The following NBEA variants were observed in gnomAD, a reference collection of about 807,000 sequenced individuals.
The protein encoded by NBEA is lysosomal-trafficking regulator 2.
NBEA carries 44 observed loss-of-function variants against 343.4 expected under a neutral mutation model. The ratio of observed to expected loss-of-function variants is 0.13; its 90% CI spans 0.10 to 0.16. The LOEUF is 0.16. Ranked by LOEUF, NBEA falls within the 10% of genes least tolerant of loss-of-function variation. The pLI is 1.00. For missense variants in NBEA, 2,555 were observed against 3,631.3 expected (o/e 0.70, Z 7.62); for synonymous variants, 1,175 against 1,238.7 (o/e 0.95, Z 1.08).
chr13:35,056,076 A>C lies in NBEA; in HGVS notation c.1039A>C (p.Asn347His). 1 of 1,607,038 alleles carries C rather than the reference A, an allele frequency of 6.2e-7. No homozygotes were observed. The highest frequency in any genetic ancestry group is 8.5e-7 in the Non-Finnish European group (1 of 1,176,020). Reference sequence around the variant, plus strand: ...GAACAGTGAAATTCGGTGTTATGTTAATGGACAACTGGTATCTTATGGTGA... The same window carrying C: ...GAACAGTGAAATTCGGTGTTATGTTCATGGACAACTGGTATCTTATGGTGA... ...WRNSEIRCYV[N>H]GQLVSYGDMA... is the part of the protein sequence containing the mutation. The change falls in exon 7 of 59, where the codon AAT (asparagine) becomes CAT (histidine). Residue 347 changes from asparagine to histidine, a missense_variant. Transcript: ENST00000379939.
intron 31 of NBEA, among the ~76,000 whole-genome samples, chr13:35,200,251 A>G (rs1449398632): frequency 6.6e-6 from 1 of 151,878 alleles, no homozygotes; most frequent in South Asian, 2.1e-4. Flanking sequence ...ATTATTTTTC[A>G]TGTACTGTGT....
chr13:35,121,429 G>C (rs79379709), intron 16 of NBEA, among the ~76,000 whole-genome samples: 1 of 151,320 alleles, frequency 6.6e-6, no homozygotes, highest in Admixed American at 6.6e-5. Context: ...TTTTACTTTG[G>C]TTCTCAAGAC....
intron 10 of NBEA, among the ~76,000 whole-genome samples, chr13:35,094,483 C>T (rs1266833514): frequency 1.3e-5 from 2 of 152,072 alleles, no homozygotes; most frequent in African/African-American, 4.8e-5. Flanking sequence ...CTAAAAGTGA[C>T]TGCTAAATAT....
chr13:35,608,123 G>A (rs553839145), intron 48 of NBEA, among the ~76,000 whole-genome samples: 13 of 151,862 alleles, frequency 8.6e-5, no homozygotes, highest in Non-Finnish European at 1.3e-4. Context: ...CTTTATTTTA[G>A]AAAGTTGCTG....
intron 48 of NBEA, among the ~76,000 whole-genome samples, chr13:35,622,570 C>A (rs1047702190): frequency 2.0e-5 from 3 of 152,272 alleles, no homozygotes; most frequent in Admixed American, 2.0e-4. Flanking sequence ...ACTATATTGT[C>A]TCTACTTAAA....
intron 40 of NBEA, among the ~76,000 whole-genome samples, chr13:35,469,460 C>T (rs1287711632): frequency 6.6e-6 from 1 of 152,002 alleles, no homozygotes; most frequent in African/African-American, 2.4e-5. Flanking sequence ...AGTAATGGAT[C>T]AGTATTTTTT....
chr13:35,053,838 T>G (rs932531518), intron 6 of NBEA, among the ~76,000 whole-genome samples: 1 of 152,158 alleles, frequency 6.6e-6, no homozygotes, highest in African/African-American at 2.4e-5. Context: ...CATTATCTAT[T>G]TATAATATTC....
chr13:35,276,761 G>A (rs2034615293), intron 34 of NBEA, among the ~76,000 whole-genome samples: 1 of 152,156 alleles, frequency 6.6e-6, no homozygotes, highest in South Asian at 2.1e-4. Flanking sequence ...CAGACATACT[G>A]TAGTTCCTAA....
chr13:35,518,435 G>T (rs781714021), intron 41 of NBEA, among the ~76,000 whole-genome samples: 2 of 152,136 alleles, frequency 1.3e-5, no homozygotes, highest in East Asian at 1.9e-4. Context: ...AGCCGGAAAT[G>T]GAATTAAAGA....
In NBEA at chr13:35,408,209, C is replaced by T. The variant is rs138610971; in HGVS notation, c.6180-24060C>T. Reference sequence around the variant, plus strand: ...CAGAACCCAGAAATAAAACCAGATACATACCACTATTTGATCTTTGATGAA... The same window carrying T: ...CAGAACCCAGAAATAAAACCAGATATATACCACTATTTGATCTTTGATGAA... On this transcript the variant is annotated intron_variant, in intron 38 of 58. Transcript: ENST00000379939. 6.7e-3 allele frequency among the ~76,000 whole-genome samples: 1,016 copies of T among 152,168 alleles called. 7 individuals are homozygous for T. Among genetic ancestry groups the T allele is most frequent in the African/African-American group, 0.023 (970 of 41,520 alleles).
intron 10 of NBEA, among the ~76,000 whole-genome samples, chr13:35,096,559 T>C (rs558173575): frequency 1.3e-5 from 2 of 151,868 alleles, no homozygotes; most frequent in Non-Finnish European, 2.9e-5. Flanking sequence ...TTTTTGCCTT[T>C]TTTCATGGAT....
intron 39 of NBEA, among the ~76,000 whole-genome samples, chr13:35,443,854 TA>T (rs979230736): frequency 1.3e-5 from 2 of 151,894 alleles, no homozygotes; most frequent in African/African-American, 4.8e-5. Flanking sequence ...TTCTCCTTTT[TA>T]AAAAAATGCT....
intron 38 of NBEA, among the ~76,000 whole-genome samples, chr13:35,353,905 CT>C (rs1010291108): frequency 4.6e-5 from 7 of 152,230 alleles, no homozygotes; most frequent in Admixed American, 4.6e-4. Context: ...ATCATGGGAG[CT>C]GGTAAGTCTG....
chr13:35,662,898 G>T (rs1469265288), intron 55 of NBEA, among the ~76,000 whole-genome samples: 3 of 152,098 alleles, frequency 2.0e-5, no homozygotes, highest in African/African-American at 7.2e-5. Flanking sequence ...GGGTTTTCCA[G>T]TGTGCTAGTC....
intron 48 of NBEA, among the ~76,000 whole-genome samples, chr13:35,625,020 T>A (rs2083160755): frequency 6.6e-6 from 1 of 152,078 alleles, no homozygotes; most frequent in Admixed American, 6.5e-5. Context: ...CTCACTCACT[T>A]TATAAACAAA....
At chr13:35,310,782 CATTAG>C (rs1278632773) in intron 36 of NBEA, among the ~76,000 whole-genome samples, 1 of 152,082 alleles carries the variant, frequency 6.6e-6, no homozygotes, top group African/African-American at 2.4e-5. Flanking sequence ...AACCAGCTTT[CATTAG>C]ATTAATGAGG....
chr13:35,094,726 A>G (rs748315502), intron 10 of NBEA, among the ~76,000 whole-genome samples: 1 of 152,050 alleles, frequency 6.6e-6, no homozygotes, highest in African/African-American at 2.4e-5. Flanking sequence ...TAGAAATATG[A>G]TATTAAATAT....
chr13:35,304,471 A>G (rs1401059344), intron 35 of NBEA, among the ~76,000 whole-genome samples: 2 of 152,042 alleles, frequency 1.3e-5, no homozygotes, highest in Non-Finnish European at 2.9e-5. Flanking sequence ...CTCTTGCCTC[A>G]GCCTCCCGAG....
At chr13:35,424,383 C>A (rs1428830601) in intron 38 of NBEA, among the ~76,000 whole-genome samples, 1 of 152,064 alleles carries the variant, frequency 6.6e-6, no homozygotes, top group African/African-American at 2.4e-5. Flanking sequence ...TGTCAAAGGC[C>A]TTTTCTTCAT....
Sources: gnomAD v4.1 joint callset for allele counts (sites outside exome capture counted in the v4.1 genomes callset) on GRCh38, gnomAD v4.1.1 for gene constraint, MANE v1.5 for transcripts, NCBI Gene and HGNC (gene_info 2026-07-23, HGNC 2026-07-21) for gene names.